FHIT: variants seen among roughly 807,000 people sequenced by gnomAD.
FHIT encodes fragile histidine triad diadenosine triphosphatase.
Under a neutral mutation model 17.9 loss-of-function variants are expected in FHIT, and 19 were observed. The observed-to-expected ratio is 1.06, with a 90% CI of 0.74 to 1.56. The LOEUF is 1.56. FHIT is among the 40% of genes most tolerant of loss of function. The pLI is 0.00. For synonymous variants in FHIT, 81 were observed against 69.7 expected, an observed-to-expected ratio of 1.16 and a Z score of -0.81; for missense variants, 248 against 189.2, an observed-to-expected ratio of 1.31 and a Z score of -1.82.
At chr3:61,120,056 G>T (rs1488362628) in intron 2 of FHIT, among the ~76,000 whole-genome samples, 3 of 152,156 alleles carry the variant, frequency 2.0e-5, no homozygotes, top group African/African-American at 7.2e-5. Flanking sequence ...AGTTACAAGA[G>T]ATAATTAAAT....
chr3:60,609,756 T>C lies in FHIT; in HGVS notation c.-17-72777A>G, dbSNP rs531899824. Reference sequence around the variant, plus strand: ...CTTCATGATGTCTTTGTTCCTGGAATGTGCCTCAAAGGTCTGATTTCTTAG... The same window carrying C: ...CTTCATGATGTCTTTGTTCCTGGAACGTGCCTCAAAGGTCTGATTTCTTAG... On this transcript the variant is annotated intron_variant, in intron 4 of 9. Transcript: ENST00000492590. Among the ~76,000 whole-genome samples, 240 of 152,326 alleles carry C rather than the reference T, an allele frequency of 1.6e-3. 2 individuals are homozygous for C. The highest frequency in any genetic ancestry group is 5.4e-3 in the African/African-American group (225 of 41,574).
intron 5 of FHIT, chr3:60,077,361 T>C (rs1485154397): frequency 6.6e-6 from 1 of 151,888 alleles, no homozygotes; most frequent in South Asian, 2.1e-4. Context: ...CCACTATAAA[T>C]TAGCATACCT....
At chr3:60,331,860 A>AG (rs1045715567) in intron 5 of FHIT, among the ~76,000 whole-genome samples, 8 of 151,370 alleles carry the variant, frequency 5.3e-5, no homozygotes, top group Non-Finnish European at 7.4e-5. Context: ...AAAAAAAAAA[A>AG]AGAGAGAAAA....
At chr3:60,146,915 C>G (rs1321679483) in intron 5 of FHIT, among the ~76,000 whole-genome samples, 1 of 152,122 alleles carries the variant, frequency 6.6e-6, no homozygotes, top group African/African-American at 2.4e-5. Flanking sequence ...AAGAAGCTGT[C>G]TTCAGTTACA....
At chr3:61,130,803 C>T (rs528930278) in intron 2 of FHIT, among the ~76,000 whole-genome samples, 4 of 152,146 alleles carry the variant, frequency 2.6e-5, no homozygotes, top group South Asian at 2.1e-4. Context: ...TGAGTACAGA[C>T]GAAAAGAACC....
chr3:60,285,189 T>C (rs1032236127), intron 5 of FHIT, among the ~76,000 whole-genome samples: 1 of 152,174 alleles, frequency 6.6e-6, no homozygotes, highest in African/African-American at 2.4e-5. Flanking sequence ...ATATTTATTC[T>C]GTATTTTTAT....
At chr3:60,820,008 G>A (rs765939993) in intron 4 of FHIT, among the ~76,000 whole-genome samples, 2 of 152,016 alleles carry the variant, frequency 1.3e-5, no homozygotes, top group Non-Finnish European at 2.9e-5. Context: ...CAGCTTTTAT[G>A]TTTAAAAAGA....
chr3:60,443,683 T>C (rs888893749), intron 5 of FHIT, among the ~76,000 whole-genome samples: 1 of 152,156 alleles, frequency 6.6e-6, no homozygotes, highest in African/African-American at 2.4e-5. Flanking sequence ...GCCAGTATTT[T>C]ATTGAGGATT....
At chr3:60,237,262 A>AT (rs201958097) in intron 5 of FHIT, among the ~76,000 whole-genome samples, 7,252 of 124,770 alleles carry the variant, frequency 0.058, 359 homozygotes, top group African/African-American at 0.12. Context: ...TTGTTTTTCC[A>AT]TTTTTTTTTT....
At chr3:60,442,520 T>G (rs535895872) in intron 5 of FHIT, among the ~76,000 whole-genome samples, 3 of 152,332 alleles carry the variant, frequency 2.0e-5, no homozygotes, top group South Asian at 4.1e-4. Context: ...CACCATTTGT[T>G]AAATAGGGAA....
chr3:61,221,089 T>G (rs944406719), intron 1 of FHIT, among the ~76,000 whole-genome samples: 1 of 139,190 alleles, frequency 7.2e-6, no homozygotes, highest in Non-Finnish European at 1.6e-5. Flanking sequence ...TCAAATTCCA[T>G]GAAATCTCAG....
intron 2 of FHIT, among the ~76,000 whole-genome samples, chr3:61,068,467 A>C (rs1228023554): frequency 6.6e-6 from 1 of 152,152 alleles, no homozygotes; most frequent in African/African-American, 2.4e-5. Flanking sequence ...CTCTATCGCC[A>C]TATCTTTCTG....
chr3:60,213,125 C>G (rs949196249), intron 5 of FHIT, among the ~76,000 whole-genome samples: 3 of 152,146 alleles, frequency 2.0e-5, no homozygotes, highest in African/African-American at 7.2e-5. Context: ...ACAAATCAAA[C>G]TAGCCTCAAC....
At chr3:60,018,993 A>G (rs1203160413) in intron 5 of FHIT, among the ~76,000 whole-genome samples, 2 of 151,998 alleles carry the variant, frequency 1.3e-5, no homozygotes, top group Non-Finnish European at 2.9e-5. Flanking sequence ...AACAACAACA[A>G]CAACAACAAA....
At chr3:60,653,044 C>A (rs1553688725) in intron 4 of FHIT, among the ~76,000 whole-genome samples, 1 of 152,094 alleles carries the variant, frequency 6.6e-6, no homozygotes, top group East Asian at 1.9e-4. Flanking sequence ...CAAGACCCAC[C>A]CACTTAAAAA....
Position 61,202,868 on chromosome 3 carries a change from G to A in FHIT, c.-212-2203C>T, listed in dbSNP as rs1408623222. ...GGAGTTTGAGACCAGCCTGGCCAAC[G>A]TGGTGAAACCTTGTCTCTACTAAAA... On this transcript the variant is annotated intron_variant, in intron 1 of 9. Coordinates refer to ENST00000492590, the MANE Select transcript of FHIT (RefSeq NM_002012.4). Among the ~76,000 whole-genome samples the A allele has an allele frequency of 3.3e-5, 5 of 152,072 alleles. No individual in the cohort carries two copies. The South Asian group carries it at 6.3e-4, about 19-fold the overall frequency.
At chr3:60,360,455 G>A (rs1699859762) in intron 5 of FHIT, among the ~76,000 whole-genome samples, 2 of 152,244 alleles carry the variant, frequency 1.3e-5, no homozygotes, top group South Asian at 4.1e-4. Context: ...CAGCCTAGAA[G>A]AATGTTATGG....
intron 4 of FHIT, among the ~76,000 whole-genome samples, chr3:60,656,171 C>G (rs782123438): frequency 1.7e-4 from 26 of 152,178 alleles, no homozygotes; most frequent in Non-Finnish European, 2.9e-4. Context: ...AAGAAGGGTA[C>G]AAAAGCAGGA....
At chr3:61,140,213 T>G (rs1368907518) in intron 2 of FHIT, among the ~76,000 whole-genome samples, 1 of 152,162 alleles carries the variant, frequency 6.6e-6, no homozygotes, top group Non-Finnish European at 1.5e-5. Context: ...TAGTGATACC[T>G]ATCTTATTGG....
Sources: allele counts gnomAD v4.1 joint callset (sites outside exome capture counted in the v4.1 genomes callset), GRCh38; gene constraint gnomAD v4.1.1; transcripts MANE v1.5; gene names NCBI Gene and HGNC (gene_info 2026-07-23, HGNC 2026-07-21).